The following NKAIN2 variants were observed in gnomAD, a reference collection of about 807,000 sequenced individuals.
NKAIN2 encodes the protein sodium/potassium-transporting ATPase subunit beta-1-interacting protein 2.
Under a neutral mutation model 32.6 loss-of-function variants are expected in NKAIN2, and 14 were observed. The observed-to-expected ratio is 0.43, with a 90% confidence interval of 0.28 to 0.67. The LOEUF (loss-of-function observed/expected upper bound fraction) is 0.67, where lower values mean the gene tolerates loss of function less well. Among genes scored for constraint, NKAIN2 ranks in the 30% least tolerant of loss-of-function variants. The probability of loss-of-function intolerance (pLI) is 0.17; values close to 1 mark genes in which losing one functional copy is unlikely to be tolerated. For missense variants in NKAIN2, 198 were observed against 258.3 expected (o/e 0.77, Z 1.60); for synonymous variants, 80 against 87.2 (o/e 0.92, Z 0.46).
chr6:124,139,138 G>C (rs1350404434), intron 1 of NKAIN2, among the ~76,000 whole-genome samples: 1 of 140,040 alleles, frequency 7.1e-6, no homozygotes, highest in Non-Finnish European at 1.5e-5. Flanking sequence ...CCGGACTGCG[G>C]ACTGCAGTGG....
At chr6:124,572,206 G>A (rs186298945) in intron 3 of NKAIN2, among the ~76,000 whole-genome samples, 4 of 152,280 alleles carry the variant, frequency 2.6e-5, no homozygotes, top group African/African-American at 9.6e-5. Context: ...CTTATTGAAT[G>A]ATGCTCACTC....
intron 3 of NKAIN2, among the ~76,000 whole-genome samples, chr6:124,557,547 G>A (rs1289609505): frequency 1.3e-5 from 2 of 152,040 alleles, no homozygotes; most frequent in Non-Finnish European, 2.9e-5. Context: ...TAACAAATTA[G>A]TACTGTCCCT....
chr6:124,630,862 G>A (rs759915084), intron 3 of NKAIN2, among the ~76,000 whole-genome samples: 17 of 152,168 alleles, frequency 1.1e-4, no homozygotes, highest in Non-Finnish European at 2.1e-4. Context: ...GCATTTTAGA[G>A]TGAAAGGAGT....
intron 6 of NKAIN2, among the ~76,000 whole-genome samples, chr6:124,819,495 T>C (rs1420595915): frequency 6.6e-6 from 1 of 152,196 alleles, no homozygotes; most frequent in East Asian, 1.9e-4. Context: ...TGTTGCTTCA[T>C]TCAAAGCATT....
intron 3 of NKAIN2, among the ~76,000 whole-genome samples, chr6:124,482,988 G>A (rs974310912): frequency 6.6e-6 from 1 of 152,160 alleles, no homozygotes. Context: ...CGGGCGTGGT[G>A]GTGGGCGCCT....
chr6:124,589,742 T>C (rs1725367465), intron 3 of NKAIN2, among the ~76,000 whole-genome samples: 2 of 152,166 alleles, frequency 1.3e-5, no homozygotes, highest in South Asian at 4.1e-4. Context: ...ACATGTGCCA[T>C]GGTGGTTTGC....
At chr6:124,454,977 T>G (rs1194342439) in intron 3 of NKAIN2, among the ~76,000 whole-genome samples, 1 of 151,982 alleles carries the variant, frequency 6.6e-6, no homozygotes, top group Non-Finnish European at 1.5e-5. Flanking sequence ...AAGAAAAGAA[T>G]GAAACACAGA....
chr6:123,990,157 A>C (rs933694138), intron 1 of NKAIN2, among the ~76,000 whole-genome samples: 5 of 152,132 alleles, frequency 3.3e-5, no homozygotes, highest in Non-Finnish European at 7.4e-5. Flanking sequence ...CTATCATGAG[A>C]ACAGCATGGG....
intron 1 of NKAIN2, among the ~76,000 whole-genome samples, chr6:123,882,733 T>C (rs942422281): frequency 6.6e-5 from 10 of 152,174 alleles, no homozygotes; most frequent in Admixed American, 2.6e-4. Flanking sequence ...AAATTTGTAG[T>C]CCATTAATTA....
intron 4 of NKAIN2, among the ~76,000 whole-genome samples, chr6:124,748,570 TTAAGAG>T (rs1459010677): frequency 6.6e-6 from 1 of 151,914 alleles, no homozygotes; most frequent in East Asian, 1.9e-4. Flanking sequence ...TTTTTACAGT[TTAAGAG>T]TATCAGTGCC....
intron 3 of NKAIN2, among the ~76,000 whole-genome samples, chr6:124,522,647 A>T (rs138755846): frequency 2.6e-5 from 4 of 152,304 alleles, no homozygotes; most frequent in African/African-American, 9.6e-5. Context: ...CAAACTGTCC[A>T]CAGATTTTAT....
In NKAIN2 at chr6:124,260,473, A is replaced by C. The variant is rs1006797522; in HGVS notation, c.55-22532A>C. ...ATAAACCACACAGGTGTCAGGGAAA[A>C]GAGATCTCCAGGCAGACAGGATGGA... is the stretch of plus-strand genomic sequence containing the variant. On this transcript the variant is annotated intron_variant, in intron 1 of 6. Coordinates refer to ENST00000368417, the MANE Select transcript of NKAIN2 (RefSeq NM_001040214.3). 2.0e-5 allele frequency among the ~76,000 whole-genome samples: 3 copies of C among 152,318 alleles called. No homozygotes were observed. In the East Asian group the frequency reaches 5.8e-4, roughly 29 times the overall value.
At chr6:124,569,445 G>T (rs1272222968) in intron 3 of NKAIN2, among the ~76,000 whole-genome samples, 1 of 152,028 alleles carries the variant, frequency 6.6e-6, no homozygotes, top group African/African-American at 2.4e-5. Flanking sequence ...TGGTTTGGCT[G>T]TGTCCCCACC....
chr6:124,449,740 T>C (rs1209992644), intron 3 of NKAIN2, among the ~76,000 whole-genome samples: 2 of 152,072 alleles, frequency 1.3e-5, no homozygotes, highest in African/African-American at 2.4e-5. Context: ...TTATAAAGTT[T>C]TGTTGAAGGC....
chr6:124,593,085 T>G (rs893588736), intron 3 of NKAIN2, among the ~76,000 whole-genome samples: 1 of 152,166 alleles, frequency 6.6e-6, no homozygotes, highest in African/African-American at 2.4e-5. Flanking sequence ...AAACAAACAC[T>G]TGTAAACCTT....
At chr6:123,977,952 G>A (rs1778713694) in intron 1 of NKAIN2, among the ~76,000 whole-genome samples, 1 of 152,028 alleles carries the variant, frequency 6.6e-6, no homozygotes, top group South Asian at 2.1e-4. Flanking sequence ...GTCTTATTGA[G>A]GAGGAAGATA....
chr6:124,026,643 A>T (rs1199266137), intron 1 of NKAIN2, among the ~76,000 whole-genome samples: 1 of 152,170 alleles, frequency 6.6e-6, no homozygotes, highest in African/African-American at 2.4e-5. Context: ...CTACTGAACT[A>T]TGCAGGCATC....
At chr6:123,999,954 T>C (rs181571770) in intron 1 of NKAIN2, among the ~76,000 whole-genome samples, 2 of 152,296 alleles carry the variant, frequency 1.3e-5, no homozygotes, top group African/African-American at 4.8e-5. Context: ...ATATTCATTA[T>C]TATTTTGTTA....
At chr6:124,365,776 C>A (rs1283032748) in intron 3 of NKAIN2, among the ~76,000 whole-genome samples, 1 of 151,862 alleles carries the variant, frequency 6.6e-6, no homozygotes, top group Non-Finnish European at 1.5e-5. Context: ...TGTAGAAAGT[C>A]AAATTTTAGA....
Sources: allele counts gnomAD v4.1 joint callset (sites outside exome capture counted in the v4.1 genomes callset), GRCh38; gene constraint gnomAD v4.1.1; transcripts MANE v1.5; gene names NCBI Gene and HGNC (gene_info 2026-07-23, HGNC 2026-07-21).